The following SLC60A1 variants were observed in gnomAD, a reference collection of about 807,000 sequenced individuals.
SLC60A1 encodes the protein major facilitator superfamily domain containing 4.
At chr1:205,600,343 A>AATC in the SLC60A1 span, 1 of 1,521,692 alleles carries the variant, frequency 6.6e-7, no homozygotes, top group Non-Finnish European at 9.1e-7. Flanking sequence ...TCTCAGAATG[A>AATC]ATCATCACTG....
At chr1:205,580,553 T>C in the SLC60A1 span, 1 of 1,410,122 alleles carries the variant, frequency 7.1e-7, no homozygotes, top group South Asian at 1.3e-5. The surrounding 1 kb of genome is among the most constrained non-coding windows in gnomAD (Gnocchi z 5.0). Context: ...AGGGTGGGGC[T>C]GGGGGAGGGG....
chr1:205,591,625 G>A, the SLC60A1 span, among the ~76,000 whole-genome samples: 1 of 152,128 alleles, frequency 6.6e-6, no homozygotes, highest in Non-Finnish European at 1.5e-5. Flanking sequence ...CTGGGTGGCT[G>A]GCTAGGATTC....
At chr1:205,579,828 G>A in the SLC60A1 span, 79,143 of 1,614,100 alleles carry the variant, frequency 0.049, 2,286 homozygotes, top group Non-Finnish European at 0.06. Flanking sequence ...CCCTTCTGCC[G>A]CGACGTGAAG....
chr1:205,592,641 A>AC, the SLC60A1 span, among the ~76,000 whole-genome samples: 5 of 151,016 alleles, frequency 3.3e-5, no homozygotes, highest in East Asian at 5.9e-4. Context: ...AGAAATGAAC[A>AC]CCCCCCTCCT....
chr1:205,580,789 T>G, the SLC60A1 span: 6 of 1,614,150 alleles, frequency 3.7e-6, no homozygotes, highest in Non-Finnish European at 5.1e-6. The surrounding 1 kb of genome is among the most constrained non-coding windows in gnomAD (Gnocchi z 5.0). Context: ...ACCTGTTCCA[T>G]GTCTCCAGGG....
chr1:205,573,976 T>TGTGA, the SLC60A1 span, among the ~76,000 whole-genome samples: 1 of 151,468 alleles, frequency 6.6e-6, no homozygotes. Context: ...GGATTACAGG[T>TGTGA]GTGAGCCACT....
chr1:205,597,377 T>TTTTTTG, the SLC60A1 span, among the ~76,000 whole-genome samples: 8 of 78,722 alleles, frequency 1.0e-4, no homozygotes, highest in Non-Finnish European at 1.3e-4. Flanking sequence ...TAGGTTGTTT[T>TTTTTTG]TTTTTTTTTT....
At chr1:205,573,258 A>C in the SLC60A1 span, among the ~76,000 whole-genome samples, 32,653 of 149,700 alleles carry the variant, frequency 0.22, 4,072 homozygotes, top group African/African-American at 0.35. Context: ...TAAAAAAAAA[A>C]CAAAAACAAA....
chr1:205,575,920 C>A, the SLC60A1 span, among the ~76,000 whole-genome samples: 26 of 152,318 alleles, frequency 1.7e-4, no homozygotes, highest in Admixed American at 4.6e-4. Flanking sequence ...ACCAATGCCA[C>A]TCTGCCACTC....
the SLC60A1 span, chr1:205,601,044 G>A: frequency 6.6e-6 from 1 of 152,164 alleles, no homozygotes; most frequent in African/African-American, 2.4e-5. Context: ...TAATGTAGTG[G>A]TATGCTAAGC....
At chr1:205,581,041 A>C in the SLC60A1 span, 1 of 1,329,766 alleles carries the variant, frequency 7.5e-7, no homozygotes, top group Non-Finnish European at 1.0e-6. The surrounding 1 kb of genome is among the most constrained non-coding windows in gnomAD (Gnocchi z 4.2). Flanking sequence ...TGAGGTGTGC[A>C]TCCCAGAGGC....
the SLC60A1 span, among the ~76,000 whole-genome samples, chr1:205,587,061 G>T: frequency 6.6e-6 from 1 of 152,150 alleles, no homozygotes; most frequent in South Asian, 2.1e-4. Context: ...CTGCCTAGGA[G>T]GCAGGAGGTC....
At chr1:205,569,554 A>G in the SLC60A1 span, among the ~76,000 whole-genome samples, 1 of 134,634 alleles carries the variant, frequency 7.4e-6, no homozygotes, top group African/African-American at 2.8e-5. Flanking sequence ...TGGCTTATTT[A>G]TTTGTCATCA....
the SLC60A1 span, chr1:205,597,561 T>C: frequency 1.9e-5 from 8 of 426,194 alleles, no homozygotes; most frequent in Non-Finnish European, 2.6e-5. Flanking sequence ...GTTAATTTTT[T>C]TAAATTTTAC....
At chr1:205,583,913 G>A in the SLC60A1 span, 26 of 1,592,532 alleles carry the variant, frequency 1.6e-5, no homozygotes, top group Non-Finnish European at 5.1e-6. Flanking sequence ...GGAAGGGGGA[G>A]CTTCAGGGCA....
At chr1:205,584,966 T>C in the SLC60A1 span, 2 of 1,613,934 alleles carry the variant, frequency 1.2e-6, no homozygotes, top group South Asian at 2.2e-5. Flanking sequence ...GGCGCCCTGG[T>C]ACTGTTCATG....
the SLC60A1 span, chr1:205,580,623 A>ACCCCCCCCCCCCCCC: frequency 6.4e-7 from 1 of 1,570,444 alleles, no homozygotes; most frequent in Non-Finnish European, 8.7e-7. This position sits in a 1 kb window ranked among gnomAD's most constrained non-coding sequence, Gnocchi z 5.0. Context: ...CTGAAGACTG[A>ACCCCCCCCCCCCCCC]CCCCCACCCC....
the SLC60A1 span, chr1:205,569,092 C>T: frequency 1.3e-6 from 2 of 1,504,016 alleles, no homozygotes; most frequent in Non-Finnish European, 1.8e-6. Context: ...GGCCGCGTGT[C>T]GGGGCTGCTC....
the SLC60A1 span, chr1:205,585,001 C>T: frequency 6.2e-7 from 1 of 1,610,028 alleles, no homozygotes; most frequent in South Asian, 1.1e-5. This position sits in a 1 kb window ranked among gnomAD's most constrained non-coding sequence, Gnocchi z 4.2. Flanking sequence ...GGTGAGCCTG[C>T]CTCAGAGGGC....
Sources: gnomAD v4.1 joint callset for allele counts (sites outside exome capture counted in the v4.1 genomes callset) on GRCh38, gnomAD v4.1.1 for gene constraint, Gnocchi (gnomAD v3.1) non-coding constraint, MANE v1.5 for transcripts, NCBI Gene and HGNC (gene_info 2026-07-23, HGNC 2026-07-21) for gene names.